Variants in HLTF observed in about 807,000 individuals in gnomAD.
HLTF encodes DNA-dependent ATPase/E3 ubiquitin-protein ligase HLTF.
In HLTF, 127 loss-of-function variants were observed where a neutral mutation model predicts 129.4. That is an observed-to-expected ratio of 0.98 (90% CI 0.85 to 1.14). The LOEUF is 1.14. Among genes scored for constraint, HLTF ranks in the 50% most tolerant of loss-of-function variants. HLTF has a pLI of 0.00. For missense variants in HLTF, 1,139 were observed against 1,187.1 expected, an observed-to-expected ratio of 0.96 and a Z score of 0.60; for synonymous variants, 332 against 388.8, an observed-to-expected ratio of 0.85 and a Z score of 1.72.
At chr3:149,045,084 A>AC (rs1272344157) in intron 18 of HLTF, among the ~76,000 whole-genome samples, 1 of 152,054 alleles carries the variant, frequency 6.6e-6, no homozygotes, top group Non-Finnish European at 1.5e-5. Context: ...TGCGTTACAT[A>AC]CCCCCATTCC....
intron 2 of HLTF, among the ~76,000 whole-genome samples, chr3:149,077,291 TAA>T (rs869091036): frequency 7.3e-6 from 1 of 136,194 alleles, no homozygotes; most frequent in African/African-American, 2.9e-5. Context: ...AATAAATAAA[TAA>T]AAATAATAGC....
At chr3:149,035,999 GT>G in intron 23 of HLTF, among the ~76,000 whole-genome samples, 1 of 151,636 alleles carries the variant, frequency 6.6e-6, no homozygotes, top group South Asian at 2.1e-4. Context: ...GCCGGGCGTG[GT>G]GGCAGGCGCC....
intron 14 of HLTF, 100 bp downstream of exon 14, chr3:149,055,203 A>G (rs1409985612): frequency 1.3e-6 from 1 of 746,332 alleles, no homozygotes; most frequent in Non-Finnish European, 2.2e-6. Context: ...ACTGATGACC[A>G]AGTATATTTA....
intron 13 of HLTF, among the ~76,000 whole-genome samples, chr3:149,057,049 G>A (rs1717505677): frequency 7.5e-6 from 1 of 133,194 alleles, no homozygotes. Context: ...GGCGGAGCCT[G>A]CAGTGAGCCG....
Position 149,068,240 on chromosome 3 carries a change from C to G in HLTF, c.990G>C (p.Lys330Asn). 7.0e-7 allele frequency: 1 copy of G among 1,421,318 alleles called. No individual in the cohort carries two copies. 88.0% of individuals were successfully genotyped at this position (1,421,318 alleles called of 1,614,324 possible). A position where few individuals can be genotyped will look rare whatever the true frequency, so the allele number is the denominator to read the frequency against. ...IERVKKNLLK[K>N]EYNVNDDSMK... is the part of the protein sequence containing the mutation. ...TAAAGCGCACTTACTACTACTTTAC[C>G]TTCTTCAGTAGATTCTTTTTAACTC... Residue 330 changes from lysine to asparagine, a missense_variant and splice_region_variant, in exon 8 of 25, where the codon AAG (lysine) becomes AAC (asparagine). Lys to Asn is a moderately conservative substitution (Grantham distance 94, BLOSUM62 0). Transcript: ENST00000310053.
At chr3:149,044,144 C>T (rs2107973617) in intron 18 of HLTF, among the ~76,000 whole-genome samples, 1 of 152,218 alleles carries the variant, frequency 6.6e-6, no homozygotes, top group East Asian at 1.9e-4. Context: ...AGTTTCCTCA[C>T]TTATAAGATG....
chr3:149,061,346 GT>G (rs1464718973), intron 10 of HLTF, among the ~76,000 whole-genome samples: 2 of 151,914 alleles, frequency 1.3e-5, no homozygotes, highest in Non-Finnish European at 2.9e-5. Context: ...AGGAGACGGA[GT>G]TTCCAGTGAG....
At chr3:149,053,948 A>T (rs2107999497) in intron 14 of HLTF, among the ~76,000 whole-genome samples, 1 of 152,282 alleles carries the variant, frequency 6.6e-6, no homozygotes, top group African/African-American at 2.4e-5. Context: ...TCGTTGGAAT[A>T]AAAAAATAGC....
chr3:149,050,438 T>TA, intron 14 of HLTF, 63 bp from the exon 15 acceptor site: 1 of 1,131,160 alleles, frequency 8.8e-7, no homozygotes, highest in Non-Finnish European at 1.2e-6. Flanking sequence ...AATAGATGTA[T>TA]AAAAAAGTAA....
chr3:149,083,512 G>A (rs1720067459), intron 2 of HLTF: 1 of 151,856 alleles, frequency 6.6e-6, no homozygotes, highest in African/African-American at 2.4e-5. Flanking sequence ...ATTATCGAAA[G>A]CAATGTAAGT....
intron 14 of HLTF, 22 bp downstream of exon 14, chr3:149,055,281 T>A (rs1289687790): frequency 6.5e-7 from 1 of 1,528,082 alleles, no homozygotes; most frequent in Non-Finnish European, 9.0e-7. Flanking sequence ...ATGTTACATT[T>A]TTAAAGGGCT....
At chr3:149,055,011 C>CTA (rs1717301750) in intron 14 of HLTF, among the ~76,000 whole-genome samples, 2 of 152,180 alleles carry the variant, frequency 1.3e-5, no homozygotes, top group South Asian at 4.1e-4. Flanking sequence ...AGGAGTCAAA[C>CTA]TATACATCTT....
At chr3:149,064,525 T>C (rs1012262364) in intron 9 of HLTF, among the ~76,000 whole-genome samples, 1 of 152,174 alleles carries the variant, frequency 6.6e-6, no homozygotes, top group African/African-American at 2.4e-5. Flanking sequence ...AAGTACCCTT[T>C]CATGAGATTT....
chr3:149,034,138 T>A (rs1715367653), intron 24 of HLTF, among the ~76,000 whole-genome samples: 1 of 152,160 alleles, frequency 6.6e-6, no homozygotes, highest in Non-Finnish European at 1.5e-5. Flanking sequence ...AGAACAGCAC[T>A]TTTTTGGCCA....
rs768888358 is a variant in HLTF, at chr3:149,084,862, A to G, written c.48T>C (p.Thr16=). The change falls in exon 2 of 25, where the codon ACT becomes ACC. Residue 16 remains threonine (T), a synonymous_variant. Coordinates refer to ENST00000310053, the MANE Select transcript of HLTF (RefSeq NM_003071.4). ...AATTTCCATGAACTCCATACTGGACAGTCTGCAAGTACTTCCAAACTGGAT... is the reference window on the plus strand; with the variant it reads ...AATTTCCATGAACTCCATACTGGACGGTCTGCAAGTACTTCCAAACTGGAT... ...KRDPVWKYLQ[T]VQYGVHGNFP... The G allele has an allele frequency of 1.1e-5, 17 of 1,613,682 alleles. No individual in the cohort carries two copies. Among genetic ancestry groups the G allele is most frequent in the Middle Eastern group, 1.6e-4 (1 of 6,084 alleles).
chr3:149,062,478 A>C (rs891995881), intron 10 of HLTF, among the ~76,000 whole-genome samples: 1 of 152,240 alleles, frequency 6.6e-6, no homozygotes, highest in Non-Finnish European at 1.5e-5. Context: ...TTGTTGATGA[A>C]ATAGCTAGCA....
In HLTF at chr3:149,031,170, A is replaced by G. The variant is rs1470503442; in HGVS notation, c.*1050T>C. On this transcript the variant is annotated 3_prime_UTR_variant, in exon 25 of 25. Coordinates refer to ENST00000310053, the MANE Select transcript of HLTF (RefSeq NM_003071.4). ...ATTAACAAAAAAGTAAAAAAAAAAG[A>G]AAAGAAAAAAGATGACTAATTCTAC... is the stretch of plus-strand genomic sequence containing the variant. 6.6e-6 allele frequency: 1 copy of G among 152,322 alleles called. No individual in the cohort carries two copies. Among genetic ancestry groups the G allele is most frequent in the African/African-American group, 2.4e-5 (1 of 41,422 alleles). 9.4% of individuals were successfully genotyped at this position (152,322 alleles called of 1,614,324 possible). A position where few individuals can be genotyped will look rare whatever the true frequency, so the allele number is the denominator to read the frequency against.
At chr3:149,045,809 G>A (rs573472792) in intron 18 of HLTF, among the ~76,000 whole-genome samples, 1 of 152,198 alleles carries the variant, frequency 6.6e-6, no homozygotes, top group East Asian at 1.9e-4. Flanking sequence ...TTTGGAAATA[G>A]AAGCAAGCAA....
rs1245382246 is a variant in HLTF, at chr3:149,031,110, A to G, written c.*1110T>C. Reference sequence around the variant, plus strand: ...CTTCTTTGTTTTAAATATGCTCAGGAGTCAACCCAAATTCTGCAGCAAATA... The same window carrying G: ...CTTCTTTGTTTTAAATATGCTCAGGGGTCAACCCAAATTCTGCAGCAAATA... On this transcript the variant is annotated 3_prime_UTR_variant, in exon 25 of 25. Coordinates refer to ENST00000310053, the MANE Select transcript of HLTF (RefSeq NM_003071.4). The G allele has an allele frequency of 6.6e-6, 1 of 152,202 alleles. No individual in the cohort carries two copies. Among genetic ancestry groups the G allele is most frequent in the Admixed American group, 6.5e-5 (1 of 15,276 alleles). 9.4% of individuals were successfully genotyped at this position (152,202 alleles called of 1,614,324 possible). A position where few individuals can be genotyped will look rare whatever the true frequency, so the allele number is the denominator to read the frequency against.
Sources: gnomAD v4.1 joint callset for allele counts (sites outside exome capture counted in the v4.1 genomes callset) on GRCh38, gnomAD v4.1.1 for gene constraint, MANE v1.5 for transcripts, NCBI Gene and HGNC (gene_info 2026-07-23, HGNC 2026-07-21) for gene names.